ADARB2: variants seen among roughly 807,000 people sequenced by gnomAD.
ADARB2 encodes inactive double-stranded RNA-specific editase B2.
In ADARB2, 25 loss-of-function variants were observed where a neutral mutation model predicts 62.2. The ratio of observed to expected loss-of-function variants is 0.40; its 90% confidence interval spans 0.29 to 0.56. The LOEUF (loss-of-function observed/expected upper bound fraction) is 0.56. Ranked by LOEUF, ADARB2 falls within the 20% of genes least tolerant of loss-of-function variation. The pLI is 0.43. For missense variants in ADARB2, 1,071 were observed against 1,077.4 expected (o/e 0.99, Z 0.08); for synonymous variants, 572 against 500.8 (o/e 1.14, Z -1.90).
At chr10:1,655,504 T>C (rs1834162690) in intron 1 of ADARB2, among the ~76,000 whole-genome samples, 1 of 152,248 alleles carries the variant, frequency 6.6e-6, no homozygotes, top group East Asian at 1.9e-4. Context: ...ATTGATTAAC[T>C]ATTTATTCTA....
intron 1 of ADARB2, among the ~76,000 whole-genome samples, chr10:1,454,653 G>A (rs955506986): frequency 2.0e-5 from 3 of 152,126 alleles, no homozygotes; most frequent in Non-Finnish European, 4.4e-5. Flanking sequence ...AGGAAGCAGA[G>A]GGTGGTTGCT....
intron 1 of ADARB2, among the ~76,000 whole-genome samples, chr10:1,538,507 T>C (rs1437523047): frequency 6.6e-6 from 1 of 152,046 alleles, no homozygotes; most frequent in Non-Finnish European, 1.5e-5. Context: ...CCAGTGTGAG[T>C]TATCTCAGAG....
intron 1 of ADARB2, among the ~76,000 whole-genome samples, chr10:1,732,354 G>T (rs185428946): frequency 3.4e-5 from 5 of 147,836 alleles, no homozygotes; most frequent in Non-Finnish European, 3.0e-5. Context: ...GTTTCCTTAC[G>T]TAATGCGCTT....
intron 1 of ADARB2, among the ~76,000 whole-genome samples, chr10:1,640,677 T>C (rs1054038905): frequency 3.3e-5 from 5 of 152,018 alleles, no homozygotes; most frequent in Non-Finnish European, 5.9e-5. Flanking sequence ...CACAAAAACA[T>C]GCACACACAT....
At chr10:1,734,082 T>C (rs1386408035) in intron 1 of ADARB2, among the ~76,000 whole-genome samples, 1 of 152,072 alleles carries the variant, frequency 6.6e-6, no homozygotes, top group Non-Finnish European at 1.5e-5. Context: ...CATAAAAAAT[T>C]TAAACCATTT....
At chr10:1,481,113 C>A (rs1372526804) in intron 1 of ADARB2, among the ~76,000 whole-genome samples, 1 of 152,142 alleles carries the variant, frequency 6.6e-6, no homozygotes, top group African/African-American at 2.4e-5. Flanking sequence ...GTTAGCATAC[C>A]ACACACAGAC....
chr10:1,540,825 T>C (rs375368121), intron 1 of ADARB2, among the ~76,000 whole-genome samples: 24 of 32,440 alleles, frequency 7.4e-4, no homozygotes, highest in African/African-American at 1.6e-3. Context: ...CCCACTCAGA[T>C]GTAGTTCAGA....
At chr10:1,688,939 T>C (rs955641939) in intron 1 of ADARB2, among the ~76,000 whole-genome samples, 1 of 152,194 alleles carries the variant, frequency 6.6e-6, no homozygotes, top group African/African-American at 2.4e-5. Flanking sequence ...AGAATACAAT[T>C]ATATATATTG....
chr10:1,660,322 G>T (rs1834229416), intron 1 of ADARB2, among the ~76,000 whole-genome samples: 1 of 152,212 alleles, frequency 6.6e-6, no homozygotes, highest in Non-Finnish European at 1.5e-5. Flanking sequence ...CATTTATTGA[G>T]CATTTCACTC....
intron 1 of ADARB2, among the ~76,000 whole-genome samples, chr10:1,511,292 A>C (rs563327816): frequency 5.3e-5 from 8 of 152,148 alleles, no homozygotes; most frequent in Non-Finnish European, 8.8e-5. Flanking sequence ...TTTTTTGTTA[A>C]AGCAATACAT....
chr10:1,490,284 A>G (rs977582880), intron 1 of ADARB2, among the ~76,000 whole-genome samples: 4 of 152,184 alleles, frequency 2.6e-5, no homozygotes, highest in African/African-American at 9.7e-5. Context: ...GCAATAGTAT[A>G]CTATAGATTA....
chr10:1,726,220 A>G (rs1835162357), intron 1 of ADARB2, among the ~76,000 whole-genome samples: 1 of 152,202 alleles, frequency 6.6e-6, no homozygotes, highest in Non-Finnish European at 1.5e-5. Context: ...GCCTCTACAT[A>G]TGTCTCCTGC....
At chr10:1,588,272 T>C (rs1439526908) in intron 1 of ADARB2, among the ~76,000 whole-genome samples, 1 of 152,166 alleles carries the variant, frequency 6.6e-6, no homozygotes, top group Non-Finnish European at 1.5e-5. Context: ...ACCCTGAACG[T>C]ATCTTCCTCT....
At chr10:1,686,402 C>T (rs1834597429) in intron 1 of ADARB2, among the ~76,000 whole-genome samples, 1 of 152,222 alleles carries the variant, frequency 6.6e-6, no homozygotes, top group Non-Finnish European at 1.5e-5. Flanking sequence ...GGAAGCATAC[C>T]TTGAAAACTA....
chr10:1,715,883 C>T (rs924672614), intron 1 of ADARB2, among the ~76,000 whole-genome samples: 3 of 152,176 alleles, frequency 2.0e-5, no homozygotes, highest in Non-Finnish European at 2.9e-5. Context: ...CACACCCTTC[C>T]GAACAGCAGC....
intron 3 of ADARB2, among the ~76,000 whole-genome samples, chr10:1,293,733 AGG>A (rs1053377531): frequency 2.0e-5 from 3 of 152,190 alleles, no homozygotes; most frequent in African/African-American, 7.2e-5. Flanking sequence ...GCAACTGACA[AGG>A]GGAAATAAAT....
At chr10:1,331,796 T>C (rs189571021) in intron 3 of ADARB2, among the ~76,000 whole-genome samples, 10 of 152,214 alleles carry the variant, frequency 6.6e-5, no homozygotes, top group South Asian at 2.1e-4. Flanking sequence ...GTTCTAGATT[T>C]TTTTCCTTTA....
At chr10:1,342,067 G>A (rs1016451922) in intron 3 of ADARB2, among the ~76,000 whole-genome samples, 1 of 152,216 alleles carries the variant, frequency 6.6e-6, no homozygotes, top group Middle Eastern at 3.2e-3. Context: ...TCAGAACTAT[G>A]CTGCAGCTGT....
intron 4 of ADARB2, among the ~76,000 whole-genome samples, chr10:1,248,953 A>G (rs1831012121): frequency 6.6e-6 from 1 of 152,172 alleles, no homozygotes; most frequent in Non-Finnish European, 1.5e-5. Context: ...TATAAAGACA[A>G]GAGAAGCCTT....
Sources: gnomAD v4.1 joint callset for allele counts (sites outside exome capture counted in the v4.1 genomes callset) on GRCh38, gnomAD v4.1.1 for gene constraint, MANE v1.5 for transcripts, NCBI Gene and HGNC (gene_info 2026-07-23, HGNC 2026-07-21) for gene names.